DLGAP4: variants seen among roughly 807,000 people sequenced by gnomAD.
The protein encoded by DLGAP4 is DLG associated protein 4.
In DLGAP4, 18 loss-of-function variants were observed where a neutral mutation model predicts 86.9. The ratio of observed to expected loss-of-function variants is 0.21; its 90% CI spans 0.14 to 0.31. DLGAP4 has a LOEUF of 0.31. Ranked by LOEUF, DLGAP4 falls within the 10% of genes least tolerant of loss-of-function variation. DLGAP4 has a pLI of 1.00. For synonymous variants in DLGAP4, 548 were observed against 574.3 expected, an observed-to-expected ratio of 0.95 and a Z score of 0.65; for missense variants, 1,085 against 1,362.6, an observed-to-expected ratio of 0.80 and a Z score of 3.21.
At chr20:36,472,556 A>G (rs2034717806) in intron 7 of DLGAP4, among the ~76,000 whole-genome samples, 1 of 151,840 alleles carries the variant, frequency 6.6e-6, no homozygotes, top group Non-Finnish European at 1.5e-5. Context: ...TATTTTATCA[A>G]TAGGAAAACT....
intron 2 of DLGAP4, among the ~76,000 whole-genome samples, chr20:36,400,575 A>G (rs915205455): frequency 6.6e-6 from 1 of 151,964 alleles, no homozygotes; most frequent in Non-Finnish European, 1.5e-5. Flanking sequence ...AATATTTTCT[A>G]TAAAAATGGC....
intron 2 of DLGAP4, among the ~76,000 whole-genome samples, chr20:36,398,242 G>A (rs570039602): frequency 5.9e-5 from 9 of 152,170 alleles, no homozygotes; most frequent in African/African-American, 2.2e-4. Flanking sequence ...AAGGGCTGTC[G>A]GACCCAAGAG....
intron 2 of DLGAP4, among the ~76,000 whole-genome samples, chr20:36,416,436 T>C (rs2032656322): frequency 6.6e-6 from 1 of 152,202 alleles, no homozygotes; most frequent in Admixed American, 6.5e-5. Context: ...CATGACATTT[T>C]TGAGAATGAA....
At position 36,500,524 on chromosome 20, in the gene DLGAP4, A is replaced by G; in HGVS notation, c.2425A>G (p.Lys809Glu). The G allele has an allele frequency of 6.3e-7, 1 of 1,578,562 alleles. No individual in the cohort carries two copies. Among genetic ancestry groups the G allele is most frequent in the Non-Finnish European group, 8.6e-7 (1 of 1,163,302 alleles). ...CCGCCGAGACGGCTACTGGTTCCTA[A>G]AGCTACTGCAGGCAGAAACAGAGCG... ...ACRRDGYWFL[K>E]LLQAETERLE... Residue 809 changes from lysine to glutamate, a missense_variant, in exon 10 of 13, where the codon AAG becomes GAG. Lys to Glu is a moderately conservative substitution (Grantham distance 56). This residue lies in a region of DLGAP4 where 1,082 missense variants were observed against 1,344.1 expected (regional missense o/e 0.81). Coordinates refer to ENST00000339266, the MANE Select transcript of DLGAP4 (RefSeq NM_001365621.2). This position sits in a 1 kb window ranked among gnomAD's most constrained non-coding sequence, Gnocchi z 4.6.
intron 2 of DLGAP4, among the ~76,000 whole-genome samples, chr20:36,424,598 G>T (rs991589614): frequency 6.6e-6 from 1 of 152,102 alleles, no homozygotes; most frequent in African/African-American, 2.4e-5. Flanking sequence ...GTGCAGGGGG[G>T]TCCTGGGTGG....
chr20:36,373,061 A>G (rs983852390), intron 2 of DLGAP4, among the ~76,000 whole-genome samples: 1 of 152,174 alleles, frequency 6.6e-6, no homozygotes, highest in Non-Finnish European at 1.5e-5. Context: ...GGAGATGCTC[A>G]GAAGAGTAGT....
At chr20:36,505,708 G>A (rs1393182019) in intron 10 of DLGAP4, among the ~76,000 whole-genome samples, 3 of 152,200 alleles carry the variant, frequency 2.0e-5, no homozygotes, top group Non-Finnish European at 4.4e-5. Flanking sequence ...GAGCCCAGGA[G>A]GTCGAGGCTG....
At chr20:36,457,537 C>T (rs936710476) in intron 7 of DLGAP4, among the ~76,000 whole-genome samples, 2 of 152,104 alleles carry the variant, frequency 1.3e-5, no homozygotes, top group African/African-American at 4.8e-5. Context: ...CCTGCCACCA[C>T]ACCTGGCTAA....
chr20:36,367,415 C>G (rs1314236912), intron 2 of DLGAP4, 140 bp downstream of exon 2: 3 of 152,260 alleles, frequency 2.0e-5, no homozygotes, highest in Non-Finnish European at 4.4e-5. Context: ...TGTCTGGGCA[C>G]CATTTATAGT....
intron 3 of DLGAP4, among the ~76,000 whole-genome samples, chr20:36,433,605 C>A (rs1325187859): frequency 6.6e-6 from 1 of 151,344 alleles, no homozygotes; most frequent in Non-Finnish European, 1.5e-5. Context: ...AGGGGGAATG[C>A]AAGCGCGGGC....
intron 4 of DLGAP4, among the ~76,000 whole-genome samples, chr20:36,437,939 G>T (rs1397775867): frequency 6.6e-6 from 1 of 152,156 alleles, no homozygotes; most frequent in African/African-American, 2.4e-5. Flanking sequence ...ACAGGGTCTC[G>T]CTATGTCGCC....
chr20:36,492,364 C>CA (rs948860326), intron 7 of DLGAP4: 45 of 152,266 alleles, frequency 3.0e-4, no homozygotes, highest in Admixed American at 1.4e-3. Context: ...CCTCAGGAGA[C>CA]AGAGGATCCA....
At chr20:36,454,201 G>C (rs943313468) in intron 7 of DLGAP4, among the ~76,000 whole-genome samples, 5 of 150,710 alleles carry the variant, frequency 3.3e-5, no homozygotes, top group African/African-American at 7.3e-5. Context: ...AGAGGTTGCA[G>C]TGAGCCAAGA....
At chr20:36,371,838 T>G (rs149352267) in intron 2 of DLGAP4, among the ~76,000 whole-genome samples, 229 of 152,308 alleles carry the variant, frequency 1.5e-3, no homozygotes, top group African/African-American at 5.3e-3. Flanking sequence ...TTCTGGAAAC[T>G]GCACAGTGCT....
At chr20:36,510,243 T>C (rs1439351327) in intron 10 of DLGAP4, among the ~76,000 whole-genome samples, 1 of 152,134 alleles carries the variant, frequency 6.6e-6, no homozygotes, top group East Asian at 1.9e-4. Context: ...TCTATGTTAA[T>C]ACAACTATTT....
rs2033690370 is a variant in DLGAP4 at position 36,449,863 on chromosome 20, A to G, written c.1648+2926A>G. 3.3e-5 allele frequency among the ~76,000 whole-genome samples: 5 copies of G among 152,248 alleles called. No individual in the cohort carries two copies. The South Asian group carries it at 1.0e-3, about 32-fold the overall frequency. On this transcript the variant is annotated intron_variant, in intron 7 of 12. Coordinates refer to ENST00000339266, the MANE Select transcript of DLGAP4 (RefSeq NM_001365621.2). Reference sequence around the variant, plus strand: ...CAAACAACCACAAAATCAGTGTAATACAACAATTCACATTTATTTCTTGCT... The same window carrying G: ...CAAACAACCACAAAATCAGTGTAATGCAACAATTCACATTTATTTCTTGCT...
intron 7 of DLGAP4, chr20:36,461,405 C>T: frequency 1.0e-6 from 1 of 962,198 alleles, no homozygotes; most frequent in Non-Finnish European, 1.2e-6. Context: ...GCGCGGCTGA[C>T]GCGGGGGGCG....
chr20:36,430,753 G>A (rs993355113), intron 2 of DLGAP4, among the ~76,000 whole-genome samples: 7 of 151,246 alleles, frequency 4.6e-5, no homozygotes, highest in South Asian at 4.2e-4. Flanking sequence ...TCAGGAGTTC[G>A]AGACCAGTCT....
chr20:36,461,751 G>GT (rs2034081334), intron 7 of DLGAP4: 18 of 618,812 alleles, frequency 2.9e-5, no homozygotes, highest in African/African-American at 1.8e-4. Context: ...CCGTCCGTCC[G>GT]CCCGCCCGCC....
Sources: gnomAD v4.1 joint callset for allele counts (sites outside exome capture counted in the v4.1 genomes callset) on GRCh38, gnomAD v4.1.1 for gene constraint, gnomAD v4.1.1 regional missense constraint, Gnocchi (gnomAD v3.1) non-coding constraint, MANE v1.5 for transcripts, NCBI Gene and HGNC (gene_info 2026-07-23, HGNC 2026-07-21) for gene names.